COL16A1: variants seen among roughly 807,000 people sequenced by gnomAD.
COL16A1 encodes collagen alpha-1(XVI) chain.
In COL16A1, 189 loss-of-function variants were observed where a neutral mutation model predicts 266.3. The observed-to-expected ratio is 0.71, with a 90% confidence interval of 0.63 to 0.80. The LOEUF (loss-of-function observed/expected upper bound fraction) is 0.80. COL16A1 is among the 30% of genes least tolerant of loss of function. COL16A1 has a pLI of 0.00. For missense variants in COL16A1, 1,928 were observed against 2,122.4 expected, an observed-to-expected ratio of 0.91 and a Z score of 1.80; for synonymous variants, 740 against 782.3, an observed-to-expected ratio of 0.95 and a Z score of 0.90.
chr1:31,686,609 A>G (rs1471061838), intron 26 of COL16A1, among the ~76,000 whole-genome samples: 1 of 152,284 alleles, frequency 6.6e-6, no homozygotes, highest in Non-Finnish European at 1.5e-5. Flanking sequence ...CTGGGTAGAC[A>G]GCAGTGAGCA....
In COL16A1 at chr1:31,656,292, G is replaced by A. The variant is rs1484063586; in HGVS notation, c.4101+108C>T. The A allele has an allele frequency of 1.2e-5, 19 of 1,532,118 alleles. No homozygotes were observed. The highest frequency in any genetic ancestry group is 1.7e-5 in the Non-Finnish European group (19 of 1,140,088). 94.9% of individuals were successfully genotyped at this position (1,532,118 alleles called of 1,614,324 possible). On this transcript the variant is annotated intron_variant, in intron 66 of 70. Coordinates refer to ENST00000373672, the MANE Select transcript of COL16A1 (RefSeq NM_001856.4). This position sits in a 1 kb window ranked among gnomAD's most constrained non-coding sequence, Gnocchi z 4.2. Reference sequence around the variant, plus strand: ...TCCAAGTTCTGCATTTTTGCCCCCTGCCCACTGGCCTTCCTGTGTCTCCTC... The same window carrying A: ...TCCAAGTTCTGCATTTTTGCCCCCTACCCACTGGCCTTCCTGTGTCTCCTC...
chr1:31,661,502 G>T (rs368935962), intron 59 of COL16A1, 44 bp from the exon 60 acceptor site: 12 of 1,614,110 alleles, frequency 7.4e-6, no homozygotes, highest in Non-Finnish European at 7.6e-6. Flanking sequence ...CATGTCAGCT[G>T]GGGGCCTCTT....
At chr1:31,662,686 C>CT in intron 56 of COL16A1, 28 bp from the exon 57 acceptor site, 4 of 1,021,300 alleles carry the variant, frequency 3.9e-6, no homozygotes, top group Non-Finnish European at 1.4e-6. Context: ...CCCCCCCCCC[C>CT]GCCCCACAAT....
chr1:31,689,641 G>T, intron 23 of COL16A1, 100 bp downstream of exon 23: 1 of 919,350 alleles, frequency 1.1e-6, no homozygotes, highest in Non-Finnish European at 1.8e-6. Context: ...GTAGCCACGA[G>T]AAGTACCCAG....
Position 31,688,731 on chromosome 1 carries a change from C to G in COL16A1, c.1767+130G>C. 6 of 1,125,594 alleles carry G rather than the reference C, an allele frequency of 5.3e-6. No homozygotes were observed. The highest frequency in any genetic ancestry group is 7.7e-6 in the Non-Finnish European group (6 of 778,244). The allele number at this position is 1,125,594 out of a possible 1,614,324, so 69.7% of individuals were successfully genotyped here. A position where few individuals can be genotyped will look rare whatever the true frequency, so the allele number is the denominator to read the frequency against. On this transcript the variant is annotated intron_variant, in intron 25 of 70. Coordinates refer to ENST00000373672, the MANE Select transcript of COL16A1 (RefSeq NM_001856.4). This position sits in a 1 kb window ranked among gnomAD's most constrained non-coding sequence, Gnocchi z 4.9. ...ACGGAGGGAGGGACCAGGAGACAGG[C>G]CTGGGACACCTGCCTCTTCCCCTCC...
Position 31,653,599 on chromosome 1 carries a change from C to G in COL16A1, c.4612G>C (p.Gly1538Arg). Residue 1538 changes from glycine (G) to arginine (R), a missense_variant and splice_region_variant, in exon 70 of 71, where the codon GGT (glycine) becomes CGT (arginine). By Grantham distance (125) the Gly-to-Arg change is moderately radical (BLOSUM62 -2). This residue lies in a region of COL16A1 where 376 missense variants were observed against 485.2 expected (regional missense o/e 0.77). Transcript: ENST00000373672. ...GGTCTCAAATGGTGGTATTTCCTAC[C>G]TGGGGGGCCGGGAAGACCATTTTCT... ...AGENGLPGPP[G>R]PQGPPGYGKM... 6.2e-7 allele frequency: 1 copy of G among 1,613,286 alleles called. No homozygotes were observed. Among genetic ancestry groups the G allele is most frequent in the Non-Finnish European group, 8.5e-7 (1 of 1,179,558 alleles).
chr1:31,682,781 G>A (rs146012922), intron 37 of COL16A1, among the ~76,000 whole-genome samples, 153 bp downstream of exon 37: 3 of 152,332 alleles, frequency 2.0e-5, no homozygotes, highest in African/African-American at 7.2e-5. Flanking sequence ...CCCTAAAAGA[G>A]TGAGGTTTTC....
intron 2 of COL16A1, chr1:31,701,550 C>T (rs1178799206): frequency 2.0e-6 from 2 of 985,272 alleles, no homozygotes; most frequent in East Asian, 1.1e-4. Flanking sequence ...CTTCCCCTGG[C>T]TTTGGGCCCT....
At chr1:31,690,237 G>A (rs532559044) in intron 22 of COL16A1, 130 bp downstream of exon 22, 215 of 1,416,792 alleles carry the variant, frequency 1.5e-4, no homozygotes, top group Non-Finnish European at 1.7e-4. Context: ...GGACATCAGA[G>A]GAAGAACGGG....
intron 34 of COL16A1, 81 bp from the exon 35 acceptor site, chr1:31,683,450 G>T (rs1643791593): frequency 1.2e-6 from 2 of 1,609,208 alleles, no homozygotes; most frequent in African/African-American, 1.3e-5. Flanking sequence ...GGCAGACCTG[G>T]TCTGGGTGGG....
At position 31,671,492 on chromosome 1, in the gene COL16A1, G is replaced by T. The variant is rs1176438977; in HGVS notation, c.3150+123C>A. On this transcript the variant is annotated intron_variant, in intron 48 of 70. Transcript: ENST00000373672. ...GATGCTCTGCGGAGGGATGGGGAGG[G>T]CAGTGGAAGTTCCCTCCTCCTGCCT... The T allele has an allele frequency of 5.9e-6, 7 of 1,186,214 alleles. No individual in the cohort carries two copies. In the East Asian group the frequency reaches 9.8e-5, roughly 17 times the overall value. The allele number at this position is 1,186,214 out of a possible 1,614,324, so 73.5% of individuals were successfully genotyped here.
At position 31,688,486 on chromosome 1, in the gene COL16A1, G is replaced by GAA; in HGVS notation, c.1783_1784insTT (p.Pro595LeufsTer4). The GAA allele has an allele frequency of 2.5e-6, 4 of 1,613,878 alleles. No homozygotes were observed. Among genetic ancestry groups the GAA allele is most frequent in the Non-Finnish European group, 3.4e-6 (4 of 1,179,974 alleles). ...TCTCACCTTCTCTCCTTTCAGCCCT[G>GAA]GAACCCCAGCTCTACCCTGAAAAAC... is the stretch of plus-strand genomic sequence containing the variant. On this transcript the variant is annotated frameshift_variant, in exon 26 of 71. Transcript: ENST00000373672. LOFTEE classifies it high-confidence loss of function. The surrounding 1 kb of genome is among the most constrained non-coding windows in gnomAD (Gnocchi z 4.9).
In COL16A1 at chr1:31,664,661, G is replaced by T. The variant is rs1391945952; in HGVS notation, c.3555+511C>A. On this transcript the variant is annotated intron_variant, in intron 56 of 70. Transcript: ENST00000373672. This position sits in a 1 kb window ranked among gnomAD's most constrained non-coding sequence, Gnocchi z 5.5. The stretch of plus-strand genomic sequence containing the variant: ...GCCAACTGCTGCTCCCCCAACCCTT[G>T]TCACCAGGCAGGACACGGGCCACCC... Among the ~76,000 whole-genome samples, 1 of 152,276 alleles carries T rather than the reference G, an allele frequency of 6.6e-6. No individual in the cohort carries two copies. Among genetic ancestry groups the T allele is most frequent in the South Asian group, 2.1e-4 (1 of 4,828 alleles).
chr1:31,692,238 G>T (rs564401102), intron 16 of COL16A1, among the ~76,000 whole-genome samples, 171 bp from the exon 17 acceptor site: 1 of 151,744 alleles, frequency 6.6e-6, no homozygotes, highest in African/African-American at 2.4e-5. Flanking sequence ...ACAACAGGTA[G>T]AACTTCCAAA....
rs773944479 is a variant in COL16A1 at position 31,685,634 on chromosome 1, C to T, written c.2016+5G>A. ...CCAGAGGCCCCTGCCTATATCCCACCTCACCTGTTTTCCTGGCAAGCCAAA... is the reference window on the plus strand; with the variant it reads ...CCAGAGGCCCCTGCCTATATCCCACTTCACCTGTTTTCCTGGCAAGCCAAA... On this transcript the variant is annotated splice_donor_5th_base_variant and intron_variant, in intron 29 of 70. Transcript: ENST00000373672. The surrounding 1 kb of genome is among the most constrained non-coding windows in gnomAD (Gnocchi z 4.0). 6 of 1,613,724 alleles carry T rather than the reference C, an allele frequency of 3.7e-6. No homozygotes were observed. Among genetic ancestry groups the T allele is most frequent in the South Asian group, 1.1e-5 (1 of 91,060 alleles).
intron 44 of COL16A1, among the ~76,000 whole-genome samples, chr1:31,674,736 C>T (rs1311522774): frequency 1.3e-5 from 2 of 152,178 alleles, no homozygotes; most frequent in African/African-American, 4.8e-5. Flanking sequence ...CCAGCTGCTG[C>T]GGGCAGGCTT....
rs1036894918 is a variant in COL16A1 at position 31,691,087 on chromosome 1, C to A, written c.1437+101G>T. 6.5e-7 allele frequency: 1 copy of A among 1,532,344 alleles called. No homozygotes were observed. Among genetic ancestry groups the A allele is most frequent in the African/African-American group, 1.4e-5 (1 of 72,366 alleles). The allele number at this position is 1,532,344 out of a possible 1,614,324, so 94.9% of individuals were successfully genotyped here. A position where few individuals can be genotyped will look rare whatever the true frequency, so the allele number is the denominator to read the frequency against. ...CCTCCTCCAAAGGCCCGGCCTCCTC[C>A]CTGGGACTTGCTTCCCCTGTGGGAA... On this transcript the variant is annotated intron_variant, in intron 20 of 70. Transcript: ENST00000373672.
chr1:31,699,711 G>T, intron 4 of COL16A1, 102 bp downstream of exon 4: 1 of 774,858 alleles, frequency 1.3e-6, no homozygotes, highest in Non-Finnish European at 2.2e-6. Context: ...GGGATGCAAT[G>T]ACCCACAGAC....
intron 32 of COL16A1, 52 bp downstream of exon 32, chr1:31,684,057 G>A (rs1019052933): frequency 6.2e-7 from 1 of 1,613,390 alleles, no homozygotes; most frequent in Non-Finnish European, 8.5e-7. Context: ...GGGGACAGGA[G>A]GGAGAGGAGG....
Sources: gnomAD v4.1 joint callset for allele counts (sites outside exome capture counted in the v4.1 genomes callset) on GRCh38, gnomAD v4.1.1 for gene constraint, gnomAD v4.1.1 regional missense constraint, Gnocchi (gnomAD v3.1) non-coding constraint, MANE v1.5 for transcripts, NCBI Gene and HGNC (gene_info 2026-07-23, HGNC 2026-07-21) for gene names.